Variants in CAMTA1 observed in about 807,000 individuals in gnomAD.
CAMTA1 encodes calmodulin-binding transcription activator 1.
In CAMTA1, 27 loss-of-function variants were observed where a neutral mutation model predicts 170.9. The ratio of observed to expected loss-of-function variants is 0.16; its 90% CI spans 0.12 to 0.22. The LOEUF is 0.22. Among genes scored for constraint, CAMTA1 ranks in the 10% least tolerant of loss-of-function variants. The pLI is 1.00. For synonymous variants in CAMTA1, 833 were observed against 891.5 expected (o/e 0.93, Z 1.17); for missense variants, 1,619 against 2,217.2 (o/e 0.73, Z 5.42).
At chr1:7,109,684 T>A (rs1643895031) in intron 4 of CAMTA1, among the ~76,000 whole-genome samples, 1 of 152,206 alleles carries the variant, frequency 6.6e-6, no homozygotes, top group Non-Finnish European at 1.5e-5. Context: ...TGCTTATGGC[T>A]CCACAGACCA....
chr1:7,507,552 CAGCATCTT>C (rs1303408882), intron 6 of CAMTA1, among the ~76,000 whole-genome samples: 1 of 152,214 alleles, frequency 6.6e-6, no homozygotes, highest in African/African-American at 2.4e-5. Context: ...GCTCAGAACA[CAGCATCTT>C]AGTAATTGAA....
intron 5 of CAMTA1, among the ~76,000 whole-genome samples, chr1:7,330,123 C>G (rs1465228533): frequency 1.3e-5 from 2 of 152,104 alleles, no homozygotes; most frequent in Non-Finnish European, 1.5e-5. Context: ...CCATTACTAC[C>G]AGGAAGGGAG....
At chr1:7,577,468 A>G (rs1331155325) in intron 6 of CAMTA1, among the ~76,000 whole-genome samples, 2 of 152,182 alleles carry the variant, frequency 1.3e-5, no homozygotes, top group East Asian at 3.9e-4. Context: ...GGAATTTCAC[A>G]GGCTCTGACC....
At chr1:7,445,571 C>G (rs535282988) in intron 5 of CAMTA1, among the ~76,000 whole-genome samples, 95 of 152,272 alleles carry the variant, frequency 6.2e-4, no homozygotes, top group African/African-American at 2.3e-3. Context: ...GGAGGCGGAG[C>G]TGGCCTGTGT....
intron 6 of CAMTA1, among the ~76,000 whole-genome samples, chr1:7,537,972 G>A (rs951226882): frequency 6.6e-6 from 1 of 152,110 alleles, no homozygotes; most frequent in Non-Finnish European, 1.5e-5. Flanking sequence ...CCTGTCTGAC[G>A]TCGTGGCTCT....
In CAMTA1 at chr1:7,146,099, T is replaced by C. The variant is rs1646167659; in HGVS notation, c.302+54728T>C. ...CTTTAATTGGATCTTTTTTTTAAAA[T>C]GGGATGATTGTAAAGGCCGGGCCGA... On this transcript the variant is annotated intron_variant, in intron 4 of 22. Coordinates refer to ENST00000303635, the MANE Select transcript of CAMTA1 (RefSeq NM_015215.4). This position sits in a 1 kb window ranked among gnomAD's most constrained non-coding sequence, Gnocchi z 4.3. Among the ~76,000 whole-genome samples, 1 of 152,168 alleles carries C rather than the reference T, an allele frequency of 6.6e-6. No individual in the cohort carries two copies. Among genetic ancestry groups the C allele is most frequent in the Non-Finnish European group, 1.5e-5 (1 of 68,022 alleles).
At chr1:7,082,178 C>T (rs953948615) in intron 3 of CAMTA1, among the ~76,000 whole-genome samples, 1 of 152,172 alleles carries the variant, frequency 6.6e-6, no homozygotes, top group African/African-American at 2.4e-5. Context: ...TGGCTCAGGC[C>T]TGTAACCCCA....
In CAMTA1 at chr1:7,032,374, T is replaced by C. The variant is rs374965794; in HGVS notation, c.235-58930T>C. 6.4e-4 allele frequency among the ~76,000 whole-genome samples: 98 copies of C among 152,360 alleles called. 2 individuals are homozygous for C. The South Asian group carries it at 0.02, about 31-fold the overall frequency. On this transcript the variant is annotated intron_variant, in intron 3 of 22. Coordinates refer to ENST00000303635, the MANE Select transcript of CAMTA1 (RefSeq NM_015215.4). ...TATAAATCTTTGTTATTTTACTGCT[T>C]GTTTTAGAGTTTTTAGCGTCCATCT...
intron 3 of CAMTA1, among the ~76,000 whole-genome samples, chr1:6,829,060 A>C (rs112634405): frequency 0.017 from 2,599 of 151,706 alleles, 35 homozygotes; most frequent in South Asian, 0.033. Flanking sequence ...CCACACCTGG[A>C]TAATTTTTGT....
At chr1:7,667,342 G>T (rs1485608319) in intron 9 of CAMTA1, among the ~76,000 whole-genome samples, 1 of 152,162 alleles carries the variant, frequency 6.6e-6, no homozygotes, top group Non-Finnish European at 1.5e-5. Context: ...ACAGGGAGGA[G>T]GCCAGGATCA....
intron 3 of CAMTA1, among the ~76,000 whole-genome samples, chr1:6,838,853 C>A (rs1192822703): frequency 6.6e-6 from 1 of 152,084 alleles, no homozygotes; most frequent in Non-Finnish European, 1.5e-5. Flanking sequence ...AATTCCTGGA[C>A]CCAAGAGATC....
intron 3 of CAMTA1, among the ~76,000 whole-genome samples, chr1:6,881,115 G>A (rs1281814438): frequency 6.6e-6 from 1 of 152,142 alleles, no homozygotes; most frequent in Non-Finnish European, 1.5e-5. Context: ...CTAGTAAGTG[G>A]TGCTGTTGCA....
chr1:7,582,832 TGG>T (rs2095272811), intron 6 of CAMTA1, among the ~76,000 whole-genome samples: 1 of 150,916 alleles, frequency 6.6e-6, no homozygotes, highest in South Asian at 2.1e-4. Context: ...CCCAGGAGAC[TGG>T]GGACTGAGGA....
intron 5 of CAMTA1, among the ~76,000 whole-genome samples, chr1:7,259,034 C>T (rs74051548): frequency 0.011 from 1,633 of 152,160 alleles, 28 homozygotes; most frequent in Admixed American, 0.04. Flanking sequence ...AAAATTTTAC[C>T]AAACGAGTTA....
At position 7,768,264 on chromosome 1, in the gene CAMTA1, ATGG is replaced by A. The variant is rs2097035633; in HGVS notation, c.*1775_*1777del. ...TGCAGACTGGTCTTTTAGAGACGGC[ATGG>A]TATATTACTATTTCCACATAATGAG... On this transcript the variant is annotated 3_prime_UTR_variant, in exon 23 of 23. Coordinates refer to ENST00000303635, the MANE Select transcript of CAMTA1 (RefSeq NM_015215.4). The A allele has an allele frequency of 6.5e-6, 1 of 152,740 alleles. No individual in the cohort carries two copies. Among genetic ancestry groups the A allele is most frequent in the Non-Finnish European group, 1.5e-5 (1 of 68,044 alleles). The allele number at this position is 152,740 out of a possible 1,614,324, so 9.5% of individuals were successfully genotyped here.
chr1:7,267,602 G>T lies in CAMTA1; in HGVS notation c.438+17976G>T, dbSNP rs138322857. Among the ~76,000 whole-genome samples, 517 of 152,300 alleles carry T rather than the reference G, an allele frequency of 3.4e-3. 6 individuals carry two copies. The highest frequency in any genetic ancestry group is 0.012 in the African/African-American group (505 of 41,550). On this transcript the variant is annotated intron_variant, in intron 5 of 22. Transcript: ENST00000303635. ...TGTTCAGACCTACCAGCAGGCCAAG[G>T]GTTTTAGTTCAGAGATTCTGAGCAC...
chr1:7,238,116 A>T (rs1291345371), intron 4 of CAMTA1, among the ~76,000 whole-genome samples: 1 of 152,122 alleles, frequency 6.6e-6, no homozygotes, highest in African/African-American at 2.4e-5. Flanking sequence ...ATGAATTCAC[A>T]TATACGTATC....
At chr1:7,404,271 G>A (rs952745349) in intron 5 of CAMTA1, among the ~76,000 whole-genome samples, 4 of 152,146 alleles carry the variant, frequency 2.6e-5, no homozygotes, top group South Asian at 2.1e-4. Context: ...GCCAACTCCC[G>A]GAAGATGCCT....
chr1:7,178,843 G>A (rs2148873601), intron 4 of CAMTA1, among the ~76,000 whole-genome samples: 1 of 152,316 alleles, frequency 6.6e-6, no homozygotes, highest in South Asian at 2.1e-4. Flanking sequence ...CACAACCTCA[G>A]GGATTTCCTT....
Sources: allele counts gnomAD v4.1 joint callset (sites outside exome capture counted in the v4.1 genomes callset), GRCh38; gene constraint gnomAD v4.1.1; non-coding constraint Gnocchi (gnomAD v3.1); transcripts MANE v1.5; gene names NCBI Gene and HGNC (gene_info 2026-07-23, HGNC 2026-07-21).